PCDHGA3: variants seen among roughly 807,000 people sequenced by gnomAD.
The protein encoded by PCDHGA3 is protocadherin gamma-A3.
Under a neutral mutation model 58.5 loss-of-function variants are expected in PCDHGA3, and 40 were observed. That is an observed-to-expected ratio of 0.68 (90% confidence interval 0.53 to 0.89). The LOEUF is 0.89. PCDHGA3 is among the 40% of genes least tolerant of loss of function. The probability of loss-of-function intolerance (pLI) is 0.00; values close to 1 mark genes in which losing one functional copy is unlikely to be tolerated. For missense variants in PCDHGA3, 1,223 were observed against 1,195.9 expected (o/e 1.02, Z -0.33); for synonymous variants, 530 against 525.7 (o/e 1.01, Z -0.11).
At position 141,344,230 on chromosome 5, in the gene PCDHGA3, T is replaced by A. The variant is rs772912037; in HGVS notation, c.197T>A (p.Ile66Asn). The change falls in exon 1 of 4, where the codon ATC (isoleucine) becomes AAC (asparagine). Residue 66 changes from isoleucine (I) to asparagine (N), a missense_variant. Ile to Asn is a moderately radical substitution (Grantham distance 149, BLOSUM62 -3). Coordinates refer to ENST00000253812, the MANE Select transcript of PCDHGA3 (RefSeq NM_018916.4). ...PRELAERGVR[I>N]VSRGRTQLFS... ...GAGCTGGCGGAGCGCGGAGTCCGCA[T>A]CGTCTCCAGAGGTAGGACGCAGCTT... The A allele has an allele frequency of 1.2e-6, 2 of 1,614,052 alleles. No individual in the cohort carries two copies. The highest frequency in any genetic ancestry group is 2.2e-5 in the East Asian group (1 of 44,882).
At chr5:141,415,095 C>A (rs1045755927) in intron 1 of PCDHGA3, 2 of 1,613,466 alleles carry the variant, frequency 1.2e-6, no homozygotes, top group East Asian at 2.2e-5. Flanking sequence ...TGGACAGAGA[C>A]GCGCTCAAGC....
Position 141,454,549 on chromosome 5 carries a change from G to A in PCDHGA3, c.2425-40258G>A, listed in dbSNP as rs188623155. ...AGCCTCCCAAGTAGCTGAGATTACA[G>A]GCATGTGCCACCACGCCCGGCTAAT... On this transcript the variant is annotated intron_variant, in intron 1 of 3. Transcript: ENST00000253812. Among the ~76,000 whole-genome samples, 406 of 152,154 alleles carry A rather than the reference G, an allele frequency of 2.7e-3. 2 individuals are homozygous for A. The highest frequency in any genetic ancestry group is 0.021 in the South Asian group (99 of 4,814).
At position 141,485,325 on chromosome 5, in the gene PCDHGA3, A is replaced by T; in HGVS notation, c.2425-9482A>T. 6.2e-7 allele frequency: 1 copy of T among 1,614,078 alleles called. No homozygotes were observed. Among genetic ancestry groups the T allele is most frequent in the Non-Finnish European group, 8.5e-7 (1 of 1,180,014 alleles). ...ACTTTTGTAGGGAATGTCGCTCAAG[A>T]TTTCCTGCTGGATACGGACAGTCTG... is the stretch of plus-strand genomic sequence containing the variant. On this transcript the variant is annotated intron_variant, in intron 1 of 3. Coordinates refer to ENST00000253812, the MANE Select transcript of PCDHGA3 (RefSeq NM_018916.4). This position sits in a 1 kb window ranked among gnomAD's most constrained non-coding sequence, Gnocchi z 5.7.
Position 141,432,108 on chromosome 5 carries a change from C to T in PCDHGA3, c.2425-62699C>T, listed in dbSNP as rs1432933024. The T allele has an allele frequency of 1.9e-6, 3 of 1,614,180 alleles. No homozygotes were observed. The highest frequency in any genetic ancestry group is 1.7e-5 in the Admixed American group (1 of 60,020). Reference sequence around the variant, plus strand: ...GTGGCAGACACCAACGACAACCCGCCGGTCTTCCCTCAGGCCTCCTATTCC... The same window carrying T: ...GTGGCAGACACCAACGACAACCCGCTGGTCTTCCCTCAGGCCTCCTATTCC... On this transcript the variant is annotated intron_variant, in intron 1 of 3. Coordinates refer to ENST00000253812, the MANE Select transcript of PCDHGA3 (RefSeq NM_018916.4). The surrounding 1 kb of genome is among the most constrained non-coding windows in gnomAD (Gnocchi z 6.0).
intron 1 of PCDHGA3, chr5:141,409,213 C>A (rs1379007048): frequency 6.2e-7 from 1 of 1,613,994 alleles, no homozygotes; most frequent in East Asian, 2.2e-5. Context: ...TCATAGAAAT[C>A]CTTGATGAAA....
rs1456176347 is a variant in PCDHGA3 at position 141,510,961 on chromosome 5, A to G, written c.2587A>G (p.Ser863Gly). 2 of 1,613,986 alleles carry G rather than the reference A, an allele frequency of 1.2e-6. No individual in the cohort carries two copies. Among genetic ancestry groups the G allele is most frequent in the Non-Finnish European group, 1.7e-6 (2 of 1,179,962 alleles). ...TGTCTCTGCAGAAGCTGCTGATGGG[A>G]GCTCCACCCTGGGAGGGGGTGCCGG... is the stretch of plus-strand genomic sequence containing the variant. Reference protein sequence around the residue: ...LASASEAADGSSTLGGGAGTM... With the variant: ...LASASEAADGGSTLGGGAGTM... Residue 863 changes from serine (S) to glycine (G), a missense_variant, in exon 4 of 4, where the codon AGC (serine) becomes GGC (glycine). Physicochemically the swap from Ser to Gly is moderately conservative, Grantham distance 56. Around this residue, in one of 3 missense-constraint regions of PCDHGA3, gnomAD observed 325 missense variants for 327.5 expected, o/e 0.99. Coordinates refer to ENST00000253812, the MANE Select transcript of PCDHGA3 (RefSeq NM_018916.4).
At chr5:141,415,046 G>C in intron 1 of PCDHGA3, 1 of 1,613,468 alleles carries the variant, frequency 6.2e-7, no homozygotes, top group Non-Finnish European at 8.5e-7. Context: ...TTCGCGGTGG[G>C]GGAGCACACG....
chr5:141,356,361 A>G, intron 1 of PCDHGA3: 1 of 1,558,136 alleles, frequency 6.4e-7, no homozygotes, highest in Non-Finnish European at 8.7e-7. Flanking sequence ...GTTCTATTCC[A>G]GATAATCTGC....
chr5:141,419,217 G>A (rs1407588828), intron 1 of PCDHGA3: 1 of 1,613,936 alleles, frequency 6.2e-7, no homozygotes, highest in Admixed American at 1.7e-5. Context: ...CCGGTTTTCG[G>A]ACAGTCAGCC....
rs994881086 is a variant in PCDHGA3, at chr5:141,417,704, A to C, written c.2424+71247A>C. 1.0e-4 allele frequency: 125 copies of C among 1,207,342 alleles called. 3 individuals are homozygous for C. In the East Asian group the frequency reaches 2.7e-3, roughly 26 times the overall value. The allele number at this position is 1,207,342 out of a possible 1,614,324, so 74.8% of individuals were successfully genotyped here. Reference sequence around the variant, plus strand: ...CAGAAAAGAAAACCAGCTCCCACACAGAGGCTCCCGGCTGCGCAGACCTTG... The same window carrying C: ...CAGAAAAGAAAACCAGCTCCCACACCGAGGCTCCCGGCTGCGCAGACCTTG... On this transcript the variant is annotated intron_variant, in intron 1 of 3. Transcript: ENST00000253812.
chr5:141,498,254 G>A (rs550611179), intron 2 of PCDHGA3, among the ~76,000 whole-genome samples: 2 of 152,338 alleles, frequency 1.3e-5, no homozygotes, highest in East Asian at 3.9e-4. Context: ...AGCAGGGCTG[G>A]TGTTGAGTTC....
chr5:141,379,889 C>CTTTTGTTTTTTTTT (rs1775942254), intron 1 of PCDHGA3, among the ~76,000 whole-genome samples: 1 of 50,830 alleles, frequency 2.0e-5, no homozygotes, highest in African/African-American at 6.6e-5. Context: ...GTGAAAGCCT[C>CTTTTGTTTTTTTTT]TTTTTTTTTT....
chr5:141,505,633 A>C, intron 3 of PCDHGA3, 152 bp downstream of exon 3: 3 of 1,471,286 alleles, frequency 2.0e-6, no homozygotes, highest in South Asian at 1.3e-5. Context: ...TCCAAACATA[A>C]AGCCTGGAAT....
Position 141,485,092 on chromosome 5 carries a change from G to C in PCDHGA3, c.2425-9715G>C, listed in dbSNP as rs2099606725. 3.8e-6 allele frequency: 4 copies of C among 1,065,492 alleles called. No homozygotes were observed. Among genetic ancestry groups the C allele is most frequent in the Non-Finnish European group, 5.6e-6 (4 of 708,358 alleles). The allele number at this position is 1,065,492 out of a possible 1,614,324, so 66.0% of individuals were successfully genotyped here. A position where few individuals can be genotyped will look rare whatever the true frequency, so the allele number is the denominator to read the frequency against. Reference sequence around the variant, plus strand: ...CTGGCGCGGGGAAAGGGAGATAGGTGTCTCCAGCTGCTGTGGCTGTTTGGG... The same window carrying C: ...CTGGCGCGGGGAAAGGGAGATAGGTCTCTCCAGCTGCTGTGGCTGTTTGGG... On this transcript the variant is annotated intron_variant, in intron 1 of 3. Coordinates refer to ENST00000253812, the MANE Select transcript of PCDHGA3 (RefSeq NM_018916.4). This position sits in a 1 kb window ranked among gnomAD's most constrained non-coding sequence, Gnocchi z 5.7.
At chr5:141,412,527 A>G (rs1017506409) in intron 1 of PCDHGA3, 3 of 152,186 alleles carry the variant, frequency 2.0e-5, no homozygotes, top group Admixed American at 1.3e-4. Context: ...AGTAGTTACA[A>G]TTATAAAGCT....
At position 141,489,369 on chromosome 5, in the gene PCDHGA3, G is replaced by T; in HGVS notation, c.2425-5438G>T. ...TGGTGGAGGAGTCTGAGCCGGGGAC[G>T]CTGGTGGGGAATGTTGCTCAGGATC... On this transcript the variant is annotated intron_variant, in intron 1 of 3. Coordinates refer to ENST00000253812, the MANE Select transcript of PCDHGA3 (RefSeq NM_018916.4). This position sits in a 1 kb window ranked among gnomAD's most constrained non-coding sequence, Gnocchi z 4.5. 6.2e-7 allele frequency: 1 copy of T among 1,613,592 alleles called. No homozygotes were observed.
intron 1 of PCDHGA3, chr5:141,412,979 C>A: frequency 1.8e-6 from 1 of 542,930 alleles, no homozygotes; most frequent in Non-Finnish European, 3.2e-6. Flanking sequence ...AAAACGCAGC[C>A]AGAGCTCAAT....
Position 141,427,950 on chromosome 5 carries a change from A to C in PCDHGA3, c.2425-66857A>C, listed in dbSNP as rs773336611. The stretch of plus-strand genomic sequence containing the variant: ...CATGTTGGTGGGCGACCTCAATGAC[A>C]ATGTGCCGCGGGTGCTGTACCCCGC... On this transcript the variant is annotated intron_variant, in intron 1 of 3. Transcript: ENST00000253812. 7 of 1,586,816 alleles carry C rather than the reference A, an allele frequency of 4.4e-6. No individual in the cohort carries two copies. The African/African-American group carries it at 8.1e-5, about 18-fold the overall frequency.
At chr5:141,351,504 A>T in intron 1 of PCDHGA3, 1 of 1,613,986 alleles carries the variant, frequency 6.2e-7, no homozygotes, top group South Asian at 1.1e-5. Context: ...GCAGACTACA[A>T]CGTCACAATC....
Sources: gnomAD v4.1 joint callset for allele counts (sites outside exome capture counted in the v4.1 genomes callset) on GRCh38, gnomAD v4.1.1 for gene constraint, gnomAD v4.1.1 regional missense constraint, Gnocchi (gnomAD v3.1) non-coding constraint, MANE v1.5 for transcripts, NCBI Gene and HGNC (gene_info 2026-07-23, HGNC 2026-07-21) for gene names.